The following RIF1 variants were observed in gnomAD, a reference collection of about 807,000 sequenced individuals.
RIF1 encodes the protein replication timing regulatory factor 1.
RIF1 carries 45 observed loss-of-function variants against 247.1 expected under a neutral mutation model. The ratio of observed to expected loss-of-function variants is 0.18; its 90% confidence interval spans 0.14 to 0.23. The LOEUF (loss-of-function observed/expected upper bound fraction) is 0.23. RIF1 is among the 10% of genes least tolerant of loss of function. RIF1 has a pLI of 1.00. For missense variants in RIF1, 2,967 were observed against 2,862.5 expected, an observed-to-expected ratio of 1.04 and a Z score of -0.83; for synonymous variants, 1,087 against 978.8, an observed-to-expected ratio of 1.11 and a Z score of -2.06.
intron 10 of RIF1, among the ~76,000 whole-genome samples, chr2:151,434,167 CAAAA>C (rs1230432491): frequency 1.8e-5 from 2 of 110,456 alleles, no homozygotes. Context: ...GACTCCATCT[CAAAA>C]AAAAAAAAAA....
intron 8 of RIF1, among the ~76,000 whole-genome samples, chr2:151,427,644 G>C (rs1175060841): frequency 1.3e-5 from 2 of 151,276 alleles, no homozygotes; most frequent in East Asian, 3.9e-4. Context: ...TTTTCTACCA[G>C]CTGTGGTTGC....
chr2:151,429,459 C>G (rs570970293), intron 9 of RIF1, among the ~76,000 whole-genome samples: 1 of 152,200 alleles, frequency 6.6e-6, no homozygotes, highest in Non-Finnish European at 1.5e-5. Context: ...GGATTACAGG[C>G]GTGAGCCACT....
In RIF1 at chr2:151,494,288, G is replaced by GA. The variant is rs778555481; in HGVS notation, c.*416-936dup. ...TCCAATGGGTCCAAAAAGCCAAAAA[G>GA]AAAAAGAGTTAACAGTTACCAAAAA... On this transcript the variant is annotated intron_variant and NMD_transcript_variant, in intron 9 of 13. Coordinates refer to the RIF1 transcript ENST00000454583. The GA allele has an allele frequency of 1.1e-4, 160 of 1,404,984 alleles. 4 individuals are homozygous for GA. The Middle Eastern group carries it at 2.3e-3, about 20-fold the overall frequency. The allele number at this position is 1,404,984 out of a possible 1,614,324, so 87.0% of individuals were successfully genotyped here.
chr2:151,440,344 C>T (rs911441328), intron 15 of RIF1, among the ~76,000 whole-genome samples: 4 of 151,866 alleles, frequency 2.6e-5, no homozygotes, highest in African/African-American at 9.7e-5. Flanking sequence ...AAGTCTTCAA[C>T]GTGGTAAGAA....
chr2:151,490,263 A>G, intron 9 of RIF1: 1 of 1,377,322 alleles, frequency 7.3e-7, no homozygotes, highest in Non-Finnish European at 9.8e-7. Flanking sequence ...TCATTAAAGG[A>G]AAGGATGAAA....
At chr2:151,433,008 G>C in intron 9 of RIF1, 69 bp from the exon 10 acceptor site, 1 of 1,184,350 alleles carries the variant, frequency 8.4e-7, no homozygotes, top group African/African-American at 1.5e-5. Context: ...AAAGACTGTT[G>C]CATAGCTAGT....
At position 151,476,376 on chromosome 2, in the gene RIF1, A is replaced by G. The variant is rs553937815; in HGVS notation, c.*1305A>G. The G allele has an allele frequency of 1.6e-4, 24 of 152,278 alleles. No individual in the cohort carries two copies. The highest frequency in any genetic ancestry group is 5.2e-4 in the Admixed American group (8 of 15,288). 9.4% of individuals were successfully genotyped at this position (152,278 alleles called of 1,614,324 possible). On this transcript the variant is annotated 3_prime_UTR_variant, in exon 36 of 36. Coordinates refer to ENST00000444746, the MANE Select transcript of RIF1 (RefSeq NM_018151.5). ...ATTTGCCAACTAATATTAGTGCCTGACTTCCCATATTTGTTTCATCTTTTT... is the reference window on the plus strand; with the variant it reads ...ATTTGCCAACTAATATTAGTGCCTGGCTTCCCATATTTGTTTCATCTTTTT...
rs1178317809 is a variant in RIF1 at position 151,481,375 on chromosome 2, C to T, written c.*6304C>T. On this transcript the variant is annotated 3_prime_UTR_variant, in exon 36 of 36. Transcript: ENST00000444746. ...CTACTTTATAAGTACACTTCTTTTT[C>T]CTACTTAAACTCTCAAACTACAGTT... 1 of 152,172 alleles carries T rather than the reference C, an allele frequency of 6.6e-6. No individual in the cohort carries two copies. The highest frequency in any genetic ancestry group is 2.4e-5 in the African/African-American group (1 of 41,438). The allele number at this position is 152,172 out of a possible 1,614,324, so 9.4% of individuals were successfully genotyped here. A position where few individuals can be genotyped will look rare whatever the true frequency, so the allele number is the denominator to read the frequency against.
intron 20 of RIF1, among the ~76,000 whole-genome samples, chr2:151,448,330 C>T (rs933293060): frequency 2.0e-5 from 3 of 152,094 alleles, no homozygotes; most frequent in African/African-American, 2.4e-5. Context: ...AGGTGTGAGC[C>T]GCCGCGCCCA....
At chr2:151,532,951 G>C in the RIF1 span, among the ~76,000 whole-genome samples, 6 of 151,990 alleles carry the variant, frequency 3.9e-5, no homozygotes, top group African/African-American at 1.4e-4. Flanking sequence ...AAATAACCTA[G>C]CAATTCAGCA....
At chr2:151,518,936 C>CTGTT in the RIF1 span, 5 of 1,502,578 alleles carry the variant, frequency 3.3e-6, no homozygotes, top group Non-Finnish European at 4.6e-6. Context: ...GTAAAACAAG[C>CTGTT]TGTTTCTGGA....
chr2:151,432,740 G>A (rs898865251), intron 9 of RIF1, among the ~76,000 whole-genome samples: 7 of 152,106 alleles, frequency 4.6e-5, no homozygotes, highest in Non-Finnish European at 1.0e-4. Context: ...AGTAGCGTCC[G>A]TAGTCTCTAC....
At chr2:151,444,435 A>G (rs2432940) in intron 18 of RIF1, among the ~76,000 whole-genome samples, 105,280 of 152,000 alleles carry the variant, frequency 0.69, 36,856 homozygotes, top group East Asian at 0.8. Flanking sequence ...TCAGCCTCCC[A>G]AATGGCTGGG....
intron 11 of RIF1, chr2:151,502,903 G>GT: frequency 6.9e-7 from 1 of 1,439,920 alleles, no homozygotes; most frequent in South Asian, 1.2e-5. Context: ...ATACAAGAAA[G>GT]TACCCAGAGG....
rs1311086147 is a variant in RIF1, at chr2:151,463,540, T to C, written c.4020T>C (p.Asp1340=). 1.9e-6 allele frequency: 3 copies of C among 1,614,034 alleles called. No individual in the cohort carries two copies. Among genetic ancestry groups the C allele is most frequent in the Admixed American group, 1.7e-5 (1 of 60,024 alleles). The change falls in exon 30 of 36, where the codon GAT becomes GAC. Residue 1340 remains aspartate (D), a synonymous_variant. Coordinates refer to ENST00000444746, the MANE Select transcript of RIF1 (RefSeq NM_018151.5). ...TTAATCAAACAGAATGTGTGTCAGATAATCAGGTTCATCTTTCTGAATCTA... is the reference window on the plus strand; with the variant it reads ...TTAATCAAACAGAATGTGTGTCAGACAATCAGGTTCATCTTTCTGAATCTA... ...GLLNQTECVS[D]NQVHLSESTM... is the part of the protein sequence containing the mutation.
chr2:151,428,556 T>C (rs559196876), intron 8 of RIF1, among the ~76,000 whole-genome samples: 16 of 152,338 alleles, frequency 1.1e-4, no homozygotes, highest in Non-Finnish European at 2.2e-4. Context: ...TTTTGTGATC[T>C]TGAGTTTAGA....
At chr2:151,505,566 T>C (rs748475168) in intron 12 of RIF1, 1 of 1,611,884 alleles carries the variant, frequency 6.2e-7, no homozygotes, top group Admixed American at 1.7e-5. Context: ...TTCCTTATAC[T>C]TCACCTGCAG....
chr2:151,491,811 T>TG, intron 9 of RIF1: 1 of 1,495,488 alleles, frequency 6.7e-7, no homozygotes, highest in Non-Finnish European at 9.1e-7. Flanking sequence ...CAAGTGTTCT[T>TG]GGAGTTTTCC....
chr2:151,451,748 A>T (rs1463572541), intron 21 of RIF1, 43 bp downstream of exon 21: 1 of 1,039,636 alleles, frequency 9.6e-7, no homozygotes, highest in East Asian at 2.4e-5. Flanking sequence ...AGTATTTCAT[A>T]AGCAGTACTG....
Sources: gnomAD v4.1 joint callset for allele counts (sites outside exome capture counted in the v4.1 genomes callset) on GRCh38, gnomAD v4.1.1 for gene constraint, MANE v1.5 for transcripts, NCBI Gene and HGNC (gene_info 2026-07-23, HGNC 2026-07-21) for gene names.